Variants in KLHL2 observed in about 807,000 individuals in gnomAD.
The protein encoded by KLHL2 is kelch like family member 2, also known as kelch-like protein 2.
In KLHL2, 15 loss-of-function variants were observed where a neutral mutation model predicts 75.8. That is an observed-to-expected ratio of 0.20 (90% CI 0.13 to 0.30). KLHL2 has a LOEUF of 0.30. Ranked by LOEUF, KLHL2 falls within the 10% of genes least tolerant of loss-of-function variation. The probability of loss-of-function intolerance (pLI) is 1.00; values close to 1 mark genes in which losing one functional copy is unlikely to be tolerated. For missense variants in KLHL2, 381 were observed against 741.0 expected (o/e 0.51, Z 5.64); for synonymous variants, 214 against 251.9 (o/e 0.85, Z 1.42).
chr4:165,278,289 C>T (rs763083224), intron 5 of KLHL2: 70 of 1,065,922 alleles, frequency 6.6e-5, no homozygotes, highest in Non-Finnish European at 9.9e-5. Context: ...GCAGTGGTTT[C>T]GGGCATCAAG....
chr4:165,299,321 A>T (rs1745169804), intron 7 of KLHL2, among the ~76,000 whole-genome samples, 186 bp from the exon 8 acceptor site: 3 of 152,170 alleles, frequency 2.0e-5, no homozygotes. Context: ...CAGGCCAGAT[A>T]CTTGAGCATT....
At chr4:165,238,694 A>G in intron 3 of KLHL2, 84 bp from the exon 4 acceptor site, 1 of 1,588,922 alleles carries the variant, frequency 6.3e-7, no homozygotes, top group Non-Finnish European at 8.5e-7. Context: ...GTGAGTGGCA[A>G]GAAGATGTAT....
At chr4:165,265,386 G>A (rs1742162284) in intron 5 of KLHL2, among the ~76,000 whole-genome samples, 1 of 151,914 alleles carries the variant, frequency 6.6e-6, no homozygotes, top group Non-Finnish European at 1.5e-5. Flanking sequence ...GTTTAATTAG[G>A]TCCCATTTAT....
intron 4 of KLHL2, among the ~76,000 whole-genome samples, chr4:165,243,836 A>G (rs1484146977): frequency 6.6e-6 from 1 of 152,252 alleles, no homozygotes; most frequent in East Asian, 1.9e-4. Context: ...CATAGTTGAA[A>G]AAGCTTTAAG....
intron 4 of KLHL2, among the ~76,000 whole-genome samples, chr4:165,258,395 CAAAAA>C (rs56083222): frequency 1.2e-4 from 13 of 105,542 alleles, no homozygotes; most frequent in Admixed American, 3.2e-4. Flanking sequence ...TTAACTATGA[CAAAAA>C]AAAAAAAAAA....
chr4:165,217,523 T>C (rs1223663161), intron 1 of KLHL2, among the ~76,000 whole-genome samples: 1 of 152,198 alleles, frequency 6.6e-6, no homozygotes, highest in Non-Finnish European at 1.5e-5. Context: ...CCACTTCAGC[T>C]GTAGGCTTTC....
intron 1 of KLHL2, among the ~76,000 whole-genome samples, chr4:165,218,513 G>A (rs1202337271): frequency 2.6e-5 from 4 of 151,840 alleles, no homozygotes; most frequent in Non-Finnish European, 4.4e-5. Context: ...CCCCTCCACC[G>A]TCCCCACATT....
At chr4:165,230,445 C>T (rs904858438) in intron 3 of KLHL2, among the ~76,000 whole-genome samples, 3 of 152,104 alleles carry the variant, frequency 2.0e-5, no homozygotes, top group South Asian at 2.1e-4. Flanking sequence ...TAGCACTTGA[C>T]GCATAGAAAA....
At chr4:165,315,265 C>CTA (rs1342516569) in intron 13 of KLHL2, among the ~76,000 whole-genome samples, 2 of 152,016 alleles carry the variant, frequency 1.3e-5, no homozygotes, top group African/African-American at 4.8e-5. Context: ...TATTTTTTCT[C>CTA]TATATGTGTT....
At chr4:165,226,789 A>G (rs1242800458) in intron 2 of KLHL2, among the ~76,000 whole-genome samples, 1 of 152,126 alleles carries the variant, frequency 6.6e-6, no homozygotes, top group Non-Finnish European at 1.5e-5. Context: ...ACTTTAACAG[A>G]TCTTAAAACC....
At chr4:165,315,593 A>T (rs867755840) in intron 13 of KLHL2, among the ~76,000 whole-genome samples, 3 of 152,242 alleles carry the variant, frequency 2.0e-5, no homozygotes, top group Admixed American at 2.0e-4. Flanking sequence ...TACAAGATAC[A>T]GTATAATCCA....
chr4:165,283,058 C>G (rs1743817756), intron 5 of KLHL2, among the ~76,000 whole-genome samples: 1 of 152,104 alleles, frequency 6.6e-6, no homozygotes, highest in Non-Finnish European at 1.5e-5. Context: ...TATTCACTAT[C>G]ACGAGAACAG....
rs1177594813 is a variant in KLHL2, at chr4:165,322,876, AT to A, written c.*823del. On this transcript the variant is annotated 3_prime_UTR_variant, in exon 15 of 15. Coordinates refer to ENST00000226725, the MANE Select transcript of KLHL2 (RefSeq NM_007246.4). ...GGTCATGTTTTGGTGTGTATTTTTAATTTTTTTCTTAAATTAACACTTTGGC... is the reference window on the plus strand; with the variant it reads ...GGTCATGTTTTGGTGTGTATTTTTAATTTTTTCTTAAATTAACACTTTGGC... 6.6e-6 allele frequency: 1 copy of A among 152,348 alleles called. No individual in the cohort carries two copies. The highest frequency in any genetic ancestry group is 2.4e-5 in the African/African-American group (1 of 41,366). The allele number at this position is 152,348 out of a possible 1,614,324, so 9.4% of individuals were successfully genotyped here.
intron 4 of KLHL2, among the ~76,000 whole-genome samples, chr4:165,241,159 G>A (rs1349441031): frequency 2.0e-5 from 3 of 152,116 alleles, no homozygotes; most frequent in African/African-American, 7.2e-5. Flanking sequence ...TCAGCATAGG[G>A]CTATCATGAT....
At chr4:165,298,152 TTTTGCCCCTATTTTTGATTTGGG>T (rs1183575340) in intron 7 of KLHL2, among the ~76,000 whole-genome samples, 4 of 152,210 alleles carry the variant, frequency 2.6e-5, no homozygotes, top group African/African-American at 9.6e-5. Flanking sequence ...AGAAATTTGC[TTTTGCCCCTATTTTTGATTTGGG>T]TAAGCAAGTA....
chr4:165,269,570 T>A (rs934593880), intron 5 of KLHL2, among the ~76,000 whole-genome samples: 4 of 150,952 alleles, frequency 2.6e-5, no homozygotes, highest in African/African-American at 9.7e-5. Flanking sequence ...CCTTTACTTA[T>A]GAAGCTGAGT....
chr4:165,265,789 G>A (rs540434963), intron 5 of KLHL2, among the ~76,000 whole-genome samples: 2 of 152,102 alleles, frequency 1.3e-5, no homozygotes, highest in Non-Finnish European at 1.5e-5. Context: ...ACATGTGTGC[G>A]TGTGTCTTTA....
chr4:165,308,868 C>T (rs894559635), intron 9 of KLHL2, among the ~76,000 whole-genome samples: 2 of 152,122 alleles, frequency 1.3e-5, no homozygotes, highest in African/African-American at 4.8e-5. Context: ...AAATTCTGTG[C>T]TAGCAGGGGG....
intron 12 of KLHL2, 137 bp from the exon 13 acceptor site, chr4:165,313,889 G>T (rs1746402200): frequency 1.4e-6 from 1 of 711,848 alleles, no homozygotes; most frequent in Non-Finnish European, 2.2e-6. Flanking sequence ...TTCTTAAATT[G>T]TAGGCTATAG....
Sources: gnomAD v4.1 joint callset for allele counts (sites outside exome capture counted in the v4.1 genomes callset) on GRCh38, gnomAD v4.1.1 for gene constraint, MANE v1.5 for transcripts, NCBI Gene and HGNC (gene_info 2026-07-23, HGNC 2026-07-21) for gene names.